The following KIF13A variants were observed in gnomAD, a reference collection of about 807,000 sequenced individuals.
KIF13A encodes kinesin family member 13A.
KIF13A carries 79 observed loss-of-function variants against 212.2 expected under a neutral mutation model. The observed-to-expected ratio is 0.37, with a 90% confidence interval of 0.31 to 0.45. KIF13A has a LOEUF of 0.45. KIF13A is among the 20% of genes least tolerant of loss of function. The pLI, the probability that KIF13A is intolerant of heterozygous loss-of-function variation, is 1.00. For missense variants in KIF13A, 1,901 were observed against 2,209.0 expected, an observed-to-expected ratio of 0.86 and a Z score of 2.79; for synonymous variants, 789 against 808.6, an observed-to-expected ratio of 0.98 and a Z score of 0.41.
chr6:17,833,389 G>T (rs992595456), intron 12 of KIF13A, among the ~76,000 whole-genome samples: 1 of 151,730 alleles, frequency 6.6e-6, no homozygotes, highest in Non-Finnish European at 1.5e-5. Context: ...CAGCTACTTG[G>T]GGGGACTGAG....
In KIF13A at chr6:17,875,388, G is replaced by A. The variant is rs541171382; in HGVS notation, c.160-1951C>T. ...AGCTACTGAATGCCTACTATATACC[G>A]GGAATGGCTGGTGCTTCTTGGTGCT... On this transcript the variant is annotated intron_variant, in intron 3 of 38. Transcript: ENST00000259711. Among the ~76,000 whole-genome samples the A allele has an allele frequency of 4.0e-5, 6 of 151,888 alleles. No individual in the cohort carries two copies. In the East Asian group the frequency reaches 5.8e-4, roughly 15 times the overall value.
At position 17,794,485 on chromosome 6, in the gene KIF13A, A is replaced by T; in HGVS notation, c.3075+87T>A. Reference sequence around the variant, plus strand: ...GGGAAAAGGATTAGAGAATAAAGATACAAATAGTTAGAAAATCCCCAGAAA... The same window carrying T: ...GGGAAAAGGATTAGAGAATAAAGATTCAAATAGTTAGAAAATCCCCAGAAA... On this transcript the variant is annotated intron_variant, in intron 24 of 38. Transcript: ENST00000259711. The surrounding 1 kb of genome is among the most constrained non-coding windows in gnomAD (Gnocchi z 4.1). 2 of 1,559,140 alleles carry T rather than the reference A, an allele frequency of 1.3e-6. No homozygotes were observed. The highest frequency in any genetic ancestry group is 4.5e-5 in the East Asian group (2 of 44,490).
chr6:17,797,328 C>T (rs1762132609), intron 22 of KIF13A, among the ~76,000 whole-genome samples: 1 of 152,146 alleles, frequency 6.6e-6, no homozygotes, highest in Non-Finnish European at 1.5e-5. Context: ...CATGCCCGGC[C>T]TCAACCCGTT....
chr6:17,796,583 C>T lies in KIF13A; in HGVS notation c.2942+86G>A, dbSNP rs115724726. On this transcript the variant is annotated intron_variant, in intron 23 of 38. Transcript: ENST00000259711. Reference sequence around the variant, plus strand: ...TTAAATGATTTTATTTTTTTATAAGCAGCCTCCTAGGCCAGAGTAGGTTCA... The same window carrying T: ...TTAAATGATTTTATTTTTTTATAAGTAGCCTCCTAGGCCAGAGTAGGTTCA... 0.011 allele frequency: 9,463 copies of T among 824,506 alleles called. 695 individuals are homozygous for T. The African/African-American group carries it at 0.15, about 13-fold the overall frequency. 51.1% of individuals were successfully genotyped at this position (824,506 alleles called of 1,614,324 possible).
At chr6:17,970,056 G>A (rs1370246615) in intron 2 of KIF13A, among the ~76,000 whole-genome samples, 1 of 151,902 alleles carries the variant, frequency 6.6e-6, no homozygotes. Flanking sequence ...GCAAGTAGCT[G>A]GGATTACAGG....
chr6:17,777,223 C>G lies in KIF13A; in HGVS notation c.4170+54G>C. 1.4e-6 allele frequency: 2 copies of G among 1,435,114 alleles called. No individual in the cohort carries two copies. The highest frequency in any genetic ancestry group is 1.4e-5 in the African/African-American group (1 of 71,284). The allele number at this position is 1,435,114 out of a possible 1,614,324, so 88.9% of individuals were successfully genotyped here. On this transcript the variant is annotated intron_variant, in intron 34 of 38. Transcript: ENST00000259711. The surrounding 1 kb of genome is among the most constrained non-coding windows in gnomAD (Gnocchi z 4.4). ...CTGTGTGAATCCCACCTTCCCCCAC[C>G]CCAGAGGCTGCGACATGTCACATAG...
chr6:17,824,777 A>AAC (rs1764816582), intron 16 of KIF13A, among the ~76,000 whole-genome samples: 2 of 147,846 alleles, frequency 1.4e-5, no homozygotes, highest in Admixed American at 6.7e-5. Context: ...AAAAAAAAAA[A>AAC]AAACAAAACA....
At chr6:17,820,598 G>A (rs1043696133) in intron 16 of KIF13A, among the ~76,000 whole-genome samples, 2 of 152,178 alleles carry the variant, frequency 1.3e-5, no homozygotes, top group Non-Finnish European at 2.9e-5. Flanking sequence ...AATATCAAGA[G>A]ATTGTCCACA....
At position 17,914,924 on chromosome 6, in the gene KIF13A, T is replaced by C. The variant is rs1774367007; in HGVS notation, c.147-16744A>G. ...AGAATTAAGCATCCCTGTGAGGTCA[T>C]TCTCAGGATGAAATACACACTGGCC... On this transcript the variant is annotated intron_variant, in intron 2 of 38. Coordinates refer to ENST00000259711, the MANE Select transcript of KIF13A (RefSeq NM_022113.6). This position sits in a 1 kb window ranked among gnomAD's most constrained non-coding sequence, Gnocchi z 5.9. 6.6e-6 allele frequency among the ~76,000 whole-genome samples: 1 copy of C among 152,208 alleles called. No homozygotes were observed. The highest frequency in any genetic ancestry group is 2.4e-5 in the African/African-American group (1 of 41,452).
At chr6:17,854,949 C>G (rs371749554) in intron 6 of KIF13A, among the ~76,000 whole-genome samples, 1 of 151,962 alleles carries the variant, frequency 6.6e-6, no homozygotes, top group African/African-American at 2.4e-5. Context: ...AATATAGATC[C>G]CTGGGTTTCA....
Position 17,764,616 on chromosome 6 carries a change from G to C in KIF13A, c.4912C>G (p.Pro1638Ala). ...GGCCTGAAATCATGCACAAGCGATG[G>C]TGTGGAGTGCTCGGTGGAGTCTGCA... ...KDADSTEHST[P>A]SLVHDFRPSS... Residue 1638 changes from proline to alanine, a missense_variant, in exon 39 of 39, where the codon CCA becomes GCA. Pro to Ala is a conservative substitution (Grantham distance 27, BLOSUM62 -1). This residue lies in a region of KIF13A where 687 missense variants were observed against 759.1 expected (regional missense o/e 0.90). Transcript: ENST00000259711. The surrounding 1 kb of genome is among the most constrained non-coding windows in gnomAD (Gnocchi z 5.1). The C allele has an allele frequency of 6.2e-7, 1 of 1,614,012 alleles. No individual in the cohort carries two copies. Among genetic ancestry groups the C allele is most frequent in the Non-Finnish European group, 8.5e-7 (1 of 1,179,898 alleles).
At chr6:17,853,070 G>T (rs1055736678) in intron 6 of KIF13A, among the ~76,000 whole-genome samples, 4 of 152,130 alleles carry the variant, frequency 2.6e-5, no homozygotes, top group African/African-American at 9.7e-5. Context: ...AAGAGTCATT[G>T]CTTAGCATCA....
At position 17,958,393 on chromosome 6, in the gene KIF13A, T is replaced by A. The variant is rs369247936; in HGVS notation, c.146+28661A>T. Among the ~76,000 whole-genome samples, 6 of 152,216 alleles carry A rather than the reference T, an allele frequency of 3.9e-5. No homozygotes were observed. In the East Asian group the frequency reaches 5.8e-4, roughly 15 times the overall value. ...AGAATACTTATGTTTGCATATGGTG[T>A]TCTGGACAGCACACATCTGACTATA... is the stretch of plus-strand genomic sequence containing the variant. On this transcript the variant is annotated intron_variant, in intron 2 of 38. Transcript: ENST00000259711.
At chr6:17,907,836 C>T (rs1773657745) in intron 2 of KIF13A, among the ~76,000 whole-genome samples, 1 of 152,220 alleles carries the variant, frequency 6.6e-6, no homozygotes, top group South Asian at 2.1e-4. Context: ...ACAGCATTGA[C>T]TGCCATGATG....
intron 7 of KIF13A, among the ~76,000 whole-genome samples, chr6:17,851,618 C>T (rs1767661595): frequency 1.3e-5 from 2 of 152,200 alleles, no homozygotes; most frequent in South Asian, 4.1e-4. Context: ...AAGGGCTGTA[C>T]TAACTGCCAA....
Position 17,834,945 on chromosome 6 carries a change from C to T in KIF13A, c.1156-874G>A, listed in dbSNP as rs940614320. 2.0e-5 allele frequency among the ~76,000 whole-genome samples: 3 copies of T among 151,988 alleles called. No individual in the cohort carries two copies. The East Asian group carries it at 5.8e-4, about 29-fold the overall frequency. ...CAATGGCTCCTGCCTGTAACCCCAA[C>T]AGTTTGGGAGGCTGAGGTGGGTGAA... On this transcript the variant is annotated intron_variant, in intron 11 of 38. Transcript: ENST00000259711. The surrounding 1 kb of genome is among the most constrained non-coding windows in gnomAD (Gnocchi z 4.0).
chr6:17,903,110 T>C (rs993157520), intron 2 of KIF13A, among the ~76,000 whole-genome samples: 4 of 152,202 alleles, frequency 2.6e-5, no homozygotes. Flanking sequence ...TTCACAAGCA[T>C]AGAAATTGAA....
intron 2 of KIF13A, among the ~76,000 whole-genome samples, chr6:17,931,658 C>CT (rs752292069): frequency 7.9e-5 from 12 of 152,140 alleles, no homozygotes; most frequent in Non-Finnish European, 1.6e-4. Context: ...GTAAGTGGGA[C>CT]TTCAGGCATG....
chr6:17,802,415 C>T (rs1253892335), intron 20 of KIF13A, among the ~76,000 whole-genome samples: 2 of 151,616 alleles, frequency 1.3e-5, no homozygotes, highest in South Asian at 2.1e-4. Flanking sequence ...CCTCAGCCTC[C>T]GGAGTAGCTG....
Sources: allele counts gnomAD v4.1 joint callset (sites outside exome capture counted in the v4.1 genomes callset), GRCh38; gene constraint gnomAD v4.1.1; regional missense constraint gnomAD v4.1.1; non-coding constraint Gnocchi (gnomAD v3.1); transcripts MANE v1.5; gene names NCBI Gene and HGNC (gene_info 2026-07-23, HGNC 2026-07-21).